Variants in PRMT8 observed in about 807,000 individuals in gnomAD.
The protein encoded by PRMT8 is protein arginine N-methyltransferase 8.
Under a neutral mutation model 47.1 loss-of-function variants are expected in PRMT8, and 7 were observed. The ratio of observed to expected loss-of-function variants is 0.15; its 90% CI spans 0.08 to 0.28. The LOEUF is 0.28. PRMT8 is among the 10% of genes least tolerant of loss of function. PRMT8 has a pLI of 1.00. For missense variants in PRMT8, 237 were observed against 505.4 expected, an observed-to-expected ratio of 0.47 and a Z score of 5.09; for synonymous variants, 188 against 186.5, an observed-to-expected ratio of 1.01 and a Z score of -0.07.
chr12:3,543,225 G>A (rs1374597438), intron 2 of PRMT8, among the ~76,000 whole-genome samples: 1 of 152,200 alleles, frequency 6.6e-6, no homozygotes, highest in Non-Finnish European at 1.5e-5. Context: ...TGCAGGAACA[G>A]CTAGGTAACC....
At chr12:3,382,569 T>A (rs977755465) in intron 1 of PRMT8, among the ~76,000 whole-genome samples, 6 of 152,186 alleles carry the variant, frequency 3.9e-5, no homozygotes, top group African/African-American at 1.4e-4. Flanking sequence ...GTTTTCTAAT[T>A]TTTTTAATGT....
At position 3,467,032 on chromosome 12, in the gene PRMT8, T is replaced by C. The variant is rs1399249244; in HGVS notation, c.49-73574T>C. The stretch of plus-strand genomic sequence containing the variant: ...GCGGGTGGATCACGAGGTCAGGAGA[T>C]CGAGACCATCTTGGCTAACACACGG... On this transcript the variant is annotated intron_variant, in intron 1 of 9. Coordinates refer to the PRMT8 transcript ENST00000452611. Among the ~76,000 whole-genome samples, 5 of 151,742 alleles carry C rather than the reference T, an allele frequency of 3.3e-5. No homozygotes were observed. The East Asian group carries it at 9.7e-4, about 29-fold the overall frequency.
chr12:3,559,606 G>A (rs1413636487), intron 4 of PRMT8, among the ~76,000 whole-genome samples: 1 of 151,996 alleles, frequency 6.6e-6, no homozygotes, highest in Non-Finnish European at 1.5e-5. Context: ...TTCTCTACCA[G>A]AAAAACCAGA....
chr12:3,510,783 A>G (rs1865699684), intron 1 of PRMT8, among the ~76,000 whole-genome samples: 1 of 152,088 alleles, frequency 6.6e-6, no homozygotes, highest in Non-Finnish European at 1.5e-5. Context: ...GAGTTTTCAG[A>G]GGTCTTCAGG....
Position 3,564,477 on chromosome 12 carries a change from C to T in PRMT8, c.482-4229C>T, listed in dbSNP as rs1016220874. The stretch of plus-strand genomic sequence containing the variant: ...CAAACCAAAAAGAAAAAATTCCACT[C>T]AAAACCATTTTTAAAAATCTGGATG... On this transcript the variant is annotated intron_variant, in intron 4 of 9. Coordinates refer to ENST00000382622, the MANE Select transcript of PRMT8 (RefSeq NM_019854.5). The surrounding 1 kb of genome is among the most constrained non-coding windows in gnomAD (Gnocchi z 4.0). 2.6e-5 allele frequency among the ~76,000 whole-genome samples: 4 copies of T among 152,184 alleles called. No individual in the cohort carries two copies. Among genetic ancestry groups the T allele is most frequent in the African/African-American group, 9.7e-5 (4 of 41,442 alleles).
chr12:3,415,504 T>C (rs1236720844), intron 1 of PRMT8, among the ~76,000 whole-genome samples: 1 of 152,322 alleles, frequency 6.6e-6, no homozygotes, highest in African/African-American at 2.4e-5. Flanking sequence ...ACCTAGGGGC[T>C]GCCAGCCACC....
rs1191936319 is a variant in PRMT8 at position 3,569,541 on chromosome 12, A to C, written c.689A>C (p.Gln230Pro). 6.2e-7 allele frequency: 1 copy of C among 1,614,068 alleles called. No individual in the cohort carries two copies. The highest frequency in any genetic ancestry group is 1.3e-5 in the African/African-American group (1 of 74,936). ...ALYVVAIEDR[Q>P]YKDFKIHWWE... ...TACGTGGTAGCGATTGAAGACAGACAGTACAAGGACTTCAAAATCCACTGT... is the reference window on the plus strand; with the variant it reads ...TACGTGGTAGCGATTGAAGACAGACCGTACAAGGACTTCAAAATCCACTGT... The change falls in exon 6 of 10, where the codon CAG becomes CCG. Residue 230 changes from glutamine (Q) to proline (P), a missense_variant. By Grantham distance (76) the Gln-to-Pro change is moderately conservative. This residue lies in a region of PRMT8 where 151 missense variants were observed against 341.1 expected (regional missense o/e 0.44). Coordinates refer to ENST00000382622, the MANE Select transcript of PRMT8 (RefSeq NM_019854.5). This position sits in a 1 kb window ranked among gnomAD's most constrained non-coding sequence, Gnocchi z 8.2.
intron 1 of PRMT8, among the ~76,000 whole-genome samples, chr12:3,459,072 G>A (rs1286737324): frequency 6.6e-6 from 1 of 152,200 alleles, no homozygotes; most frequent in Non-Finnish European, 1.5e-5. Flanking sequence ...GTGGGGCAAT[G>A]GTTCCACCTC....
At chr12:3,447,479 G>A (rs767074178) in intron 1 of PRMT8, among the ~76,000 whole-genome samples, 3 of 151,862 alleles carry the variant, frequency 2.0e-5, no homozygotes, top group Non-Finnish European at 2.9e-5. Context: ...CAGCTGAGGC[G>A]CCCCCCTCTC....
At chr12:3,490,776 T>TC (rs1865380232), upstream of PRMT8, among the ~76,000 whole-genome samples, 1 of 135,856 alleles carries the variant, frequency 7.4e-6, no homozygotes, top group African/African-American at 2.7e-5. Flanking sequence ...TTAAGGACCC[T>TC]CCCCCATCCA....
intron 8 of PRMT8, among the ~76,000 whole-genome samples, chr12:3,589,367 T>G (rs1316350611): frequency 2.0e-5 from 3 of 152,154 alleles, no homozygotes. Flanking sequence ...ATTCTGCAGA[T>G]GTGGAAAAGG....
chr12:3,559,844 C>T (rs1391745497), intron 4 of PRMT8, among the ~76,000 whole-genome samples: 2 of 152,174 alleles, frequency 1.3e-5, no homozygotes, highest in Non-Finnish European at 2.9e-5. Flanking sequence ...CGCACCCCTA[C>T]CATTTCCTGG....
At chr12:3,440,183 G>T (rs192949771) in intron 1 of PRMT8, among the ~76,000 whole-genome samples, 1 of 152,152 alleles carries the variant, frequency 6.6e-6, no homozygotes, top group African/African-American at 2.4e-5. Context: ...TATCTAGGCC[G>T]GGCGTGGTGG....
intron 1 of PRMT8, among the ~76,000 whole-genome samples, chr12:3,476,725 G>C (rs1177242344): frequency 6.6e-6 from 1 of 152,182 alleles, no homozygotes; most frequent in South Asian, 2.1e-4. Flanking sequence ...TGCCTTCCCT[G>C]GGAACTTCAA....
chr12:3,422,216 C>T (rs779312844), intron 1 of PRMT8, among the ~76,000 whole-genome samples: 31 of 152,202 alleles, frequency 2.0e-4, no homozygotes, highest in Non-Finnish European at 3.2e-4. Context: ...TGTTATTTCC[C>T]ACCAGCCTCT....
At chr12:3,391,667 C>G (rs1387247089) in intron 1 of PRMT8, among the ~76,000 whole-genome samples, 1 of 152,166 alleles carries the variant, frequency 6.6e-6, no homozygotes, top group African/African-American at 2.4e-5. Context: ...CCATGTTATC[C>G]TGTACCAAAG....
At chr12:3,428,948 C>T (rs1864640841) in intron 1 of PRMT8, among the ~76,000 whole-genome samples, 1 of 151,156 alleles carries the variant, frequency 6.6e-6, no homozygotes, top group Admixed American at 6.6e-5. Context: ...GTCTCTTCCT[C>T]TCTCCGCCTC....
intron 1 of PRMT8, among the ~76,000 whole-genome samples, chr12:3,411,509 G>A (rs943782304): frequency 3.9e-5 from 6 of 152,126 alleles, no homozygotes; most frequent in African/African-American, 1.4e-4. Context: ...TTCTTCATGG[G>A]AAAAAACCCC....
chr12:3,464,222 G>A (rs1296571630), intron 1 of PRMT8, among the ~76,000 whole-genome samples: 2 of 150,748 alleles, frequency 1.3e-5, no homozygotes, highest in Non-Finnish European at 1.5e-5. Flanking sequence ...AGGGAACAAA[G>A]TTATACAGAC....
Sources: allele counts gnomAD v4.1 joint callset (sites outside exome capture counted in the v4.1 genomes callset), GRCh38; gene constraint gnomAD v4.1.1; regional missense constraint gnomAD v4.1.1; non-coding constraint Gnocchi (gnomAD v3.1); transcripts MANE v1.5; gene names NCBI Gene and HGNC (gene_info 2026-07-23, HGNC 2026-07-21).